LDLRAD4: variants seen among roughly 807,000 people sequenced by gnomAD.
LDLRAD4 encodes low density lipoprotein receptor class A domain containing 4, also known as low-density lipoprotein receptor class A domain-containing protein 4.
Under a neutral mutation model 17.0 loss-of-function variants are expected in LDLRAD4, and 5 were observed. The observed-to-expected ratio is 0.29, with a 90% CI of 0.15 to 0.62. LDLRAD4 has a LOEUF of 0.62. Among genes scored for constraint, LDLRAD4 ranks in the 20% least tolerant of loss-of-function variants. LDLRAD4 has a pLI of 0.84. For missense variants in LDLRAD4, 340 were observed against 424.7 expected (o/e 0.80, Z 1.75); for synonymous variants, 168 against 171.8 (o/e 0.98, Z 0.17).
At chr18:13,493,086 T>C (rs1260521943) in intron 3 of LDLRAD4, among the ~76,000 whole-genome samples, 1 of 152,146 alleles carries the variant, frequency 6.6e-6, no homozygotes, top group African/African-American at 2.4e-5. Flanking sequence ...ACCACTGTAC[T>C]GCAGCTTGGG....
At chr18:13,516,615 A>G (rs890106949) in intron 3 of LDLRAD4, among the ~76,000 whole-genome samples, 2 of 152,236 alleles carry the variant, frequency 1.3e-5, no homozygotes, top group East Asian at 3.8e-4. Context: ...TCAAGTGGAC[A>G]CTATTTTTGA....
chr18:13,316,730 G>A (rs574044110), intron 1 of LDLRAD4, among the ~76,000 whole-genome samples: 1 of 152,266 alleles, frequency 6.6e-6, no homozygotes, highest in African/African-American at 2.4e-5. Context: ...GAACTAGTGA[G>A]TTAGGACACA....
At chr18:13,272,345 G>T (rs1055469368) in intron 1 of LDLRAD4, among the ~76,000 whole-genome samples, 1 of 152,236 alleles carries the variant, frequency 6.6e-6, no homozygotes, top group Non-Finnish European at 1.5e-5. Context: ...CCCAGCAATG[G>T]CCGGAGTTGG....
At chr18:13,450,037 T>C (rs925320592) in intron 3 of LDLRAD4, among the ~76,000 whole-genome samples, 2 of 152,230 alleles carry the variant, frequency 1.3e-5, no homozygotes, top group Non-Finnish European at 2.9e-5. Context: ...GAGAGTTCGC[T>C]CTTCCATTTG....
chr18:13,343,429 T>C (rs2082494270), intron 1 of LDLRAD4, among the ~76,000 whole-genome samples: 1 of 152,114 alleles, frequency 6.6e-6, no homozygotes, highest in African/African-American at 2.4e-5. Flanking sequence ...TTTTTATGGC[T>C]GCATAGTATT....
chr18:13,573,977 C>T (rs941813647), intron 3 of LDLRAD4, among the ~76,000 whole-genome samples: 5 of 152,218 alleles, frequency 3.3e-5, no homozygotes, highest in African/African-American at 1.2e-4. Flanking sequence ...AGGCTGGTAT[C>T]TCTCACCAGA....
intron 1 of LDLRAD4, among the ~76,000 whole-genome samples, chr18:13,316,799 A>AG (rs2080957526): frequency 6.6e-6 from 1 of 152,242 alleles, no homozygotes; most frequent in Non-Finnish European, 1.5e-5. Context: ...ATGTGGTGAC[A>AG]GAGGAGGGAA....
chr18:13,407,574 G>A (rs571087602), intron 2 of LDLRAD4, among the ~76,000 whole-genome samples: 7 of 152,322 alleles, frequency 4.6e-5, no homozygotes, highest in African/African-American at 1.7e-4. Context: ...GTTACCTGAG[G>A]GTACTAACAC....
chr18:13,646,749 A>C (rs2043030211), exon 6 of LDLRAD4: 2 of 152,634 alleles, frequency 1.3e-5, no homozygotes, highest in Admixed American at 6.5e-5. Flanking sequence ...GTTATTCTGC[A>C]TACTGTTGAA....
chr18:13,345,260 A>G (rs1362769261), intron 1 of LDLRAD4, among the ~76,000 whole-genome samples: 1 of 152,196 alleles, frequency 6.6e-6, no homozygotes, highest in East Asian at 1.9e-4. Flanking sequence ...CATCCCATGA[A>G]TACCTAATTT....
At chr18:13,648,408 G>A (rs1450766518) in exon 6 of LDLRAD4, 1 of 152,190 alleles carries the variant, frequency 6.6e-6, no homozygotes, top group African/African-American at 2.4e-5. Flanking sequence ...GGTCTTCGAG[G>A]CTGGGGCTCT....
At chr18:13,280,299 G>C (rs905990950) in intron 1 of LDLRAD4, among the ~76,000 whole-genome samples, 1 of 152,222 alleles carries the variant, frequency 6.6e-6, no homozygotes, top group Non-Finnish European at 1.5e-5. Context: ...ACCTTGGCAA[G>C]TCCTAACCCT....
At chr18:13,326,018 CG>C (rs549552544) in intron 1 of LDLRAD4, among the ~76,000 whole-genome samples, 292 of 152,174 alleles carry the variant, frequency 1.9e-3, no homozygotes, top group African/African-American at 6.6e-3. Context: ...CCGCTTGCCT[CG>C]GCCTCCCAAA....
intron 4 of LDLRAD4, chr18:13,641,917 C>A (rs1343654313): frequency 2.0e-6 from 2 of 985,428 alleles, no homozygotes; most frequent in East Asian, 1.1e-4. Context: ...TGGCGGCGTT[C>A]CTGGCTACGG....
At chr18:13,587,409 T>C (rs2094950032) in intron 3 of LDLRAD4, among the ~76,000 whole-genome samples, 1 of 152,184 alleles carries the variant, frequency 6.6e-6, no homozygotes, top group African/African-American at 2.4e-5. Flanking sequence ...CACCCTGCCT[T>C]GGTCTTTACC....
intron 1 of LDLRAD4, among the ~76,000 whole-genome samples, chr18:13,324,757 C>T (rs59370067): frequency 0.067 from 10,205 of 152,124 alleles, 379 homozygotes; most frequent in South Asian, 0.1. Flanking sequence ...AAAAGACACA[C>T]ACGTCACAGT....
chr18:13,249,915 G>T (rs1191843096), intron 1 of LDLRAD4, among the ~76,000 whole-genome samples: 1 of 152,152 alleles, frequency 6.6e-6, no homozygotes, highest in African/African-American at 2.4e-5. Context: ...ATTTTGAGTT[G>T]ATTTTTGTAT....
chr18:13,580,635 G>A (rs975798855), intron 3 of LDLRAD4, among the ~76,000 whole-genome samples: 1 of 152,172 alleles, frequency 6.6e-6, no homozygotes, highest in African/African-American at 2.4e-5. Flanking sequence ...GGCACAGGGT[G>A]GCCATCCTGG....
chr18:13,229,670 G>A (rs1397494179), intron 1 of LDLRAD4, among the ~76,000 whole-genome samples: 1 of 152,202 alleles, frequency 6.6e-6, no homozygotes, highest in African/African-American at 2.4e-5. Context: ...AGGCCCCCAG[G>A]CCCAGAGGTG....
Sources: gnomAD v4.1 joint callset for allele counts (sites outside exome capture counted in the v4.1 genomes callset) on GRCh38, gnomAD v4.1.1 for gene constraint, MANE v1.5 for transcripts, NCBI Gene and HGNC (gene_info 2026-07-23, HGNC 2026-07-21) for gene names.